Variants in GTPBP3 observed in about 807,000 individuals in gnomAD.
GTPBP3 encodes 5-taurinomethyluridine-[tRNA] synthase subunit GTPB3, mitochondrial.
Under a neutral mutation model 42.0 loss-of-function variants are expected in GTPBP3, and 35 were observed. The ratio of observed to expected loss-of-function variants is 0.83; its 90% confidence interval spans 0.64 to 1.10. The LOEUF is 1.10. Among genes scored for constraint, GTPBP3 ranks in the 50% least tolerant of loss-of-function variants. The probability of loss-of-function intolerance (pLI) is 0.00; values close to 1 mark genes in which losing one functional copy is unlikely to be tolerated. For missense variants in GTPBP3, 691 were observed against 685.2 expected (o/e 1.01, Z -0.09); for synonymous variants, 332 against 314.9 (o/e 1.05, Z -0.58).
rs202097575 is a variant in GTPBP3, at chr19:17,338,941, C to T, written c.592-13C>T. 2.8e-4 allele frequency: 450 copies of T among 1,583,802 alleles called. 1 individual carries two copies. In the African/African-American group the frequency reaches 5.8e-3, roughly 20 times the overall value. On this transcript the variant is annotated splice_polypyrimidine_tract_variant and intron_variant, in intron 4 of 8. Coordinates refer to ENST00000324894, the MANE Select transcript of GTPBP3 (RefSeq NM_032620.4). ...GGGTGCACACACCACCTCTGCTCTCCCTGCCCCGCCAGGCTCTGGCCCACG... is the reference window on the plus strand; with the variant it reads ...GGGTGCACACACCACCTCTGCTCTCTCTGCCCCGCCAGGCTCTGGCCCACG...
chr19:17,338,700 C>G lies in GTPBP3; in HGVS notation c.550C>G (p.Leu184Val), dbSNP rs2074394353. 6.2e-7 allele frequency: 1 copy of G among 1,613,166 alleles called. No individual in the cohort carries two copies. Among genetic ancestry groups the G allele is most frequent in the South Asian group, 1.1e-5 (1 of 90,982 alleles). ...GGCCCTCAGGCAGCTGGACGGAGAG[C>G]TGGGCCACCTCTGCCGTGGCTGGGC... ...RQALRQLDGELGHLCRGWAET... is the reference protein window; with the variant it reads ...RQALRQLDGEVGHLCRGWAET... Residue 184 changes from leucine (L) to valine (V), a missense_variant, in exon 4 of 9, where the codon CTG becomes GTG. Coordinates refer to ENST00000324894, the MANE Select transcript of GTPBP3 (RefSeq NM_032620.4).
Position 17,339,157 on chromosome 19 carries a change from G to T in GTPBP3, c.699G>T (p.Leu233=). The change falls in exon 6 of 9, where the codon CTG becomes CTT. Residue 233 remains leucine, a synonymous_variant. Transcript: ENST00000324894. ...DIEVRALQVA[L]GAHLRDARRG... is the part of the protein sequence containing the mutation. ...AAGTACGGGCACTGCAGGTGGCCCT[G>T]GGTGCACATCTACGAGATGCCAGGC... is the stretch of plus-strand genomic sequence containing the variant. 6.2e-7 allele frequency: 1 copy of T among 1,613,992 alleles called. No homozygotes were observed. The highest frequency in any genetic ancestry group is 1.6e-4 in the Middle Eastern group (1 of 6,062).
rs1446618524 is a variant in GTPBP3, at chr19:17,338,274, C to T, written c.301+19C>T. On this transcript the variant is annotated intron_variant, in intron 2 of 8. Transcript: ENST00000324894. ...TTCCCAGGTGAGGGTCCCCAGGTTC[C>T]GAGCCTCCTGTAGGTCCCATGACTC... 3 of 1,598,114 alleles carry T rather than the reference C, an allele frequency of 1.9e-6. No individual in the cohort carries two copies. The highest frequency in any genetic ancestry group is 4.5e-5 in the East Asian group (2 of 44,526).
At chr19:17,340,362 G>GC (rs2074416637) in intron 7 of GTPBP3, among the ~76,000 whole-genome samples, 1 of 151,966 alleles carries the variant, frequency 6.6e-6, no homozygotes, top group African/African-American at 2.4e-5. Flanking sequence ...ATTAAGTCCT[G>GC]CCCCCGGCCC....
At chr19:17,336,451 C>A (rs551081330), upstream of GTPBP3, among the ~76,000 whole-genome samples, 180 of 151,832 alleles carry the variant, frequency 1.2e-3, no homozygotes, top group Middle Eastern at 3.4e-3. Flanking sequence ...TTGCAAGAGC[C>A]GTGATCGCGC....
rs867333219 is a variant in GTPBP3 at position 17,339,050 on chromosome 19, A to G, written c.664+24A>G. ...AGGTGGGTCTACCTGGTGGTGGGGGAGGAAGACACCTCATATCAGCCCTCA... is the reference window on the plus strand; with the variant it reads ...AGGTGGGTCTACCTGGTGGTGGGGGGGGAAGACACCTCATATCAGCCCTCA... On this transcript the variant is annotated intron_variant, in intron 5 of 8. Coordinates refer to ENST00000324894, the MANE Select transcript of GTPBP3 (RefSeq NM_032620.4). The G allele has an allele frequency of 7.4e-6, 12 of 1,613,854 alleles. No homozygotes were observed. The African/African-American group carries it at 1.6e-4, about 22-fold the overall frequency.
At chr19:17,335,958 G>C (rs771398378), upstream of GTPBP3, among the ~76,000 whole-genome samples, 4 of 151,796 alleles carry the variant, frequency 2.6e-5, no homozygotes, top group Non-Finnish European at 5.9e-5. Flanking sequence ...GCCTCGGCCG[G>C]GCGCAGTGGC....
At position 17,338,694 on chromosome 19, in the gene GTPBP3, G is replaced by C; in HGVS notation, c.544G>C (p.Gly182Arg). Residue 182 changes from glycine (G) to arginine (R), a missense_variant, in exon 4 of 9, where the codon GGA (glycine) becomes CGA (arginine). Coordinates refer to ENST00000324894, the MANE Select transcript of GTPBP3 (RefSeq NM_032620.4). Reference protein sequence around the residue: ...QRRQALRQLDGELGHLCRGWA... With the variant: ...QRRQALRQLDRELGHLCRGWA... ...GCGGCAGGCCCTCAGGCAGCTGGAC[G>C]GAGAGCTGGGCCACCTCTGCCGTGG... 1 of 1,613,464 alleles carries C rather than the reference G, an allele frequency of 6.2e-7. No individual in the cohort carries two copies. The highest frequency in any genetic ancestry group is 8.5e-7 in the Non-Finnish European group (1 of 1,179,694).
chr19:17,338,623 T>G lies in GTPBP3; in HGVS notation c.473T>G (p.Val158Gly). 1 of 1,613,938 alleles carries G rather than the reference T, an allele frequency of 6.2e-7. No individual in the cohort carries two copies. ...FANGKLNLTE[V>G]EGLADLIHAE... ...AATGGGAAGCTGAACCTGACCGAAG[T>G]GGAGGGGCTGGCGGACCTTATCCAC... The change falls in exon 4 of 9, where the codon GTG (valine) becomes GGG (glycine). Residue 158 changes from valine (V) to glycine (G), a missense_variant. By Grantham distance (109) the Val-to-Gly change is moderately radical. Transcript: ENST00000324894.
At chr19:17,337,513 G>A, upstream of GTPBP3, 1 of 1,276,326 alleles carries the variant, frequency 7.8e-7, no homozygotes, top group African/African-American at 1.5e-5. Flanking sequence ...GAGAATAGTT[G>A]AGCACTTTAC....
chr19:17,341,283 A>ACGGC lies in GTPBP3; in HGVS notation c.1216_1219dup (p.Leu407ArgfsTer112). The ACGGC allele has an allele frequency of 6.2e-7, 1 of 1,605,008 alleles. No homozygotes were observed. The highest frequency in any genetic ancestry group is 8.5e-7 in the Non-Finnish European group (1 of 1,179,724). ...TCCTGTCTGACGGGAGAGGGGCTGG[A>ACGGC]CGGCCTCCTGGAGGCGCTGAGGAAG... is the stretch of plus-strand genomic sequence containing the variant. On this transcript the variant is annotated frameshift_variant, in exon 8 of 9. Transcript: ENST00000324894. LOFTEE classifies it high-confidence loss of function.
chr19:17,338,449 T>C lies in GTPBP3; in HGVS notation c.386T>C (p.Leu129Ser). The C allele has an allele frequency of 6.2e-7, 1 of 1,614,042 alleles. No homozygotes were observed. The highest frequency in any genetic ancestry group is 8.5e-7 in the Non-Finnish European group (1 of 1,180,016). The change falls in exon 3 of 9, where the codon TTG (leucine) becomes TCG (serine). Residue 129 changes from leucine to serine, a missense_variant and splice_region_variant. Leu to Ser is a moderately radical substitution (Grantham distance 145). Coordinates refer to ENST00000324894, the MANE Select transcript of GTPBP3 (RefSeq NM_032620.4). Reference protein sequence around the residue: ...PAVVSGVLQALGSVPGLRPAE... With the variant: ...PAVVSGVLQASGSVPGLRPAE... ...GTGGTGAGCGGCGTCCTGCAGGCCT[T>C]GGGTGAGTTGCAGCGTTGGGTGAGA...
In GTPBP3 at chr19:17,339,239, GGCAAGAGCAGCCTAGTGAACCTGCT is replaced by G; in HGVS notation, c.782_806del (p.Gly261AlafsTer33). 4 of 1,609,908 alleles carry G rather than the reference GGCAAGAGCAGCCTAGTGAACCTGCT, an allele frequency of 2.5e-6. No homozygotes were observed. The highest frequency in any genetic ancestry group is 3.4e-6 in the Non-Finnish European group (4 of 1,179,036). ...AGTGGTCACTGGACCCCCCAATGCG[GGCAAGAGCAGCCTAGTGAACCTGCT>G]CAGTGAGTAGGCGGCGGGAAGGGGG... On this transcript the variant is annotated frameshift_variant and splice_region_variant, in exon 6 of 9. Transcript: ENST00000324894. LOFTEE classifies it high-confidence loss of function.
Position 17,338,167 on chromosome 19 carries a change from G to T in GTPBP3, c.213G>T (p.Leu71=). ...ALRILTAPRD[L]PLARHASLRL... is the part of the protein sequence containing the mutation. ...GAATTCTCACAGCACCCCGAGACCT[G>T]CCCCTTGCTCGCCACGCCAGCCTGC... Residue 71 remains leucine (L), a synonymous_variant, in exon 2 of 9, where the codon CTG becomes CTT. Coordinates refer to ENST00000324894, the MANE Select transcript of GTPBP3 (RefSeq NM_032620.4). The T allele has an allele frequency of 6.3e-7, 1 of 1,593,298 alleles. No individual in the cohort carries two copies. The highest frequency in any genetic ancestry group is 8.5e-7 in the Non-Finnish European group (1 of 1,176,496).
rs369410374 is a variant in GTPBP3, at chr19:17,338,033, G to A, written c.79G>A (p.Ala27Thr). The change falls in exon 2 of 9, where the codon GCA (alanine) becomes ACA (threonine). Residue 27 changes from alanine (A) to threonine (T), a missense_variant. Physicochemically the swap from Ala to Thr is moderately conservative, Grantham distance 58. Transcript: ENST00000324894. ...RRLCTRRSSG[A>T]PAPGSGATIF... ...ATTGTGCACGCGCCGGAGCAGCGGC[G>A]CACCAGCCCCCGGCTCCGGCGCCAC... 9 of 1,597,698 alleles carry A rather than the reference G, an allele frequency of 5.6e-6. No homozygotes were observed. The highest frequency in any genetic ancestry group is 7.6e-6 in the Non-Finnish European group (9 of 1,179,440).
intron 1 of GTPBP3, 50 bp downstream of exon 1, chr19:17,337,714 C>T (rs762130121): frequency 7.1e-7 from 1 of 1,407,956 alleles, no homozygotes; most frequent in East Asian, 2.8e-5. Context: ...TGCTTGGACC[C>T]CAGACCCACT....
intron 7 of GTPBP3, 104 bp from the exon 8 acceptor site, chr19:17,340,940 C>T (rs921027194): frequency 6.9e-5 from 91 of 1,323,758 alleles, no homozygotes; most frequent in Non-Finnish European, 9.3e-5. Context: ...CCTCACGCTT[C>T]GCAGCTCCCC....
upstream of GTPBP3, chr19:17,335,243 A>G: frequency 3.6e-6 from 5 of 1,394,194 alleles, no homozygotes; most frequent in Middle Eastern, 3.8e-4. Context: ...CTGCTTAGGA[A>G]CTTTGCACGC....
At position 17,339,583 on chromosome 19, in the gene GTPBP3, C is replaced by T. The variant is rs528932836; in HGVS notation, c.958C>T (p.Arg320Trp). ...GVGPVEQEGV[R>W]RARERLEQAD... ...GGGGCCCGTGGAGCAGGAGGGCGTGCGGCGCGCCCGGGAGAGGTGGGCGGA... is the reference window on the plus strand; with the variant it reads ...GGGGCCCGTGGAGCAGGAGGGCGTGTGGCGCGCCCGGGAGAGGTGGGCGGA... Residue 320 changes from arginine to tryptophan, a missense_variant, in exon 7 of 9, where the codon CGG becomes TGG. Physicochemically the swap from Arg to Trp is moderately radical, Grantham distance 101. Coordinates refer to ENST00000324894, the MANE Select transcript of GTPBP3 (RefSeq NM_032620.4). 7.5e-6 allele frequency: 12 copies of T among 1,607,118 alleles called. No individual in the cohort carries two copies. The highest frequency in any genetic ancestry group is 1.3e-5 in the African/African-American group (1 of 74,914).
Sources: gnomAD v4.1 joint callset for allele counts (sites outside exome capture counted in the v4.1 genomes callset) on GRCh38, gnomAD v4.1.1 for gene constraint, MANE v1.5 for transcripts, NCBI Gene and HGNC (gene_info 2026-07-23, HGNC 2026-07-21) for gene names.